The following METTL6 variants were observed in gnomAD, a reference collection of about 807,000 sequenced individuals.
METTL6 encodes methyltransferase 6, tRNA N3-cytidine.
In METTL6, 22 loss-of-function variants were observed where a neutral mutation model predicts 26.4. That is an observed-to-expected ratio of 0.83 (90% CI 0.59 to 1.19). The LOEUF (loss-of-function observed/expected upper bound fraction) is 1.19, where lower values mean the gene tolerates loss of function less well. Among genes scored for constraint, METTL6 ranks in the 50% most tolerant of loss-of-function variants. The pLI is 0.00. For synonymous variants in METTL6, 109 were observed against 116.2 expected (o/e 0.94, Z 0.40); for missense variants, 304 against 324.8 (o/e 0.94, Z 0.49).
At chr3:15,386,235 G>A (rs1199804634) in intron 6 of METTL6, among the ~76,000 whole-genome samples, 1 of 152,108 alleles carries the variant, frequency 6.6e-6, no homozygotes, top group Non-Finnish European at 1.5e-5. Context: ...GGTGCTGGTG[G>A]GAGTGTCTTT....
intron 3 of METTL6, among the ~76,000 whole-genome samples, chr3:15,418,582 C>A (rs946878972): frequency 6.6e-6 from 1 of 152,092 alleles, no homozygotes; most frequent in African/African-American, 2.4e-5. Flanking sequence ...ACACACATAA[C>A]TGGAATCCCA....
downstream of METTL6, among the ~76,000 whole-genome samples, chr3:15,407,288 G>C (rs1313451898): frequency 6.6e-6 from 1 of 152,122 alleles, no homozygotes; most frequent in Non-Finnish European, 1.5e-5. Flanking sequence ...CCAAAGTGCT[G>C]GGATTACAAG....
chr3:15,396,100 G>T (rs1699480694), intron 6 of METTL6, among the ~76,000 whole-genome samples: 1 of 152,134 alleles, frequency 6.6e-6, no homozygotes, highest in African/African-American at 2.4e-5. Context: ...TTTCCAACTT[G>T]GTTCCATTCT....
chr3:15,405,995 ATG>A (rs914289550), downstream of METTL6, among the ~76,000 whole-genome samples: 9 of 151,996 alleles, frequency 5.9e-5, no homozygotes, highest in African/African-American at 2.2e-4. Context: ...TGTATGGAGT[ATG>A]TGTGTGTGTA....
exon 7 of METTL6, chr3:15,383,219 G>C (rs949255523): frequency 4.6e-5 from 7 of 152,036 alleles, no homozygotes; most frequent in Non-Finnish European, 8.8e-5. Context: ...AAAGACCTAA[G>C]GGATCCACCA....
At chr3:15,389,172 G>GT (rs1187636955) in intron 6 of METTL6, among the ~76,000 whole-genome samples, 2 of 150,234 alleles carry the variant, frequency 1.3e-5, no homozygotes, top group East Asian at 3.9e-4. Flanking sequence ...TTTTTTCTAA[G>GT]TTTTTTGTTG....
At chr3:15,388,706 T>G (rs1699262838) in intron 6 of METTL6, among the ~76,000 whole-genome samples, 1 of 152,228 alleles carries the variant, frequency 6.6e-6, no homozygotes, top group Admixed American at 6.5e-5. Context: ...CCATAATTTC[T>G]AATCTTGTGG....
At chr3:15,409,216 C>T (rs1365566913), downstream of METTL6, among the ~76,000 whole-genome samples, 1 of 152,178 alleles carries the variant, frequency 6.6e-6, no homozygotes, top group Non-Finnish European at 1.5e-5. Flanking sequence ...TGACTATTAT[C>T]CAACCCCTTC....
In METTL6 at chr3:15,410,473, G is replaced by A. The variant is rs1371276269; in HGVS notation, c.*783C>T. 6.6e-6 allele frequency among the ~76,000 whole-genome samples: 1 copy of A among 152,002 alleles called. No individual in the cohort carries two copies. The highest frequency in any genetic ancestry group is 2.4e-5 in the African/African-American group (1 of 41,386). ...CTACAGGCACATGCCACCACATTTGGCTAATTTTTGTATTTTCTGTAGAGA... is the reference window on the plus strand; with the variant it reads ...CTACAGGCACATGCCACCACATTTGACTAATTTTTGTATTTTCTGTAGAGA... On this transcript the variant is annotated 3_prime_UTR_variant, in exon 6 of 6. Transcript: ENST00000383790.
chr3:15,426,647 AAAG>A lies in METTL6; in HGVS notation c.-124-15_-124-13del, dbSNP rs1489154624. On this transcript the variant is annotated splice_polypyrimidine_tract_variant and intron_variant, in intron 1 of 5. Transcript: ENST00000383790. Reference sequence around the variant, plus strand: ...AACAGCACAGGGGGCTTCGCAGAGAAAAGAATTAGATTCTGGTTAGTGGTTACA... The same window carrying A: ...AACAGCACAGGGGGCTTCGCAGAGAAAATTAGATTCTGGTTAGTGGTTACA... The A allele has an allele frequency of 1.3e-6, 1 of 745,092 alleles. No homozygotes were observed. Among genetic ancestry groups the A allele is most frequent in the Non-Finnish European group, 2.2e-6 (1 of 457,962 alleles). 46.2% of individuals were successfully genotyped at this position (745,092 alleles called of 1,614,324 possible). A position where few individuals can be genotyped will look rare whatever the true frequency, so the allele number is the denominator to read the frequency against.
At chr3:15,420,596 T>A (rs2061589325) in intron 3 of METTL6, among the ~76,000 whole-genome samples, 1 of 152,220 alleles carries the variant, frequency 6.6e-6, no homozygotes, top group African/African-American at 2.4e-5. Context: ...GAGGCAAGAT[T>A]GACCACTGTA....
chr3:15,395,072 G>A (rs547283992), intron 6 of METTL6, among the ~76,000 whole-genome samples: 16 of 152,224 alleles, frequency 1.1e-4, no homozygotes, highest in African/African-American at 2.6e-4. Context: ...TTTCTGTCTC[G>A]TTGATCTGTC....
intron 6 of METTL6, among the ~76,000 whole-genome samples, chr3:15,393,273 TCA>T (rs1179297578): frequency 6.6e-6 from 1 of 152,214 alleles, no homozygotes; most frequent in Non-Finnish European, 1.5e-5. Flanking sequence ...GAATGGGAGT[TCA>T]CTCATGATTT....
In METTL6 at chr3:15,426,222, A is replaced by C. The variant is rs934302596; in HGVS notation, c.225+65T>G. The C allele has an allele frequency of 3.3e-6, 5 of 1,504,088 alleles. No individual in the cohort carries two copies. The Admixed American group carries it at 8.7e-5, about 26-fold the overall frequency. The allele number at this position is 1,504,088 out of a possible 1,614,324, so 93.2% of individuals were successfully genotyped here. A position where few individuals can be genotyped will look rare whatever the true frequency, so the allele number is the denominator to read the frequency against. On this transcript the variant is annotated intron_variant, in intron 2 of 5. Transcript: ENST00000383790. ...CCCAAGTACTGGGATTACAGGCATG[A>C]GCCATGGCACCCTCTTCACATTTTA...
chr3:15,385,101 T>G (rs982676322), intron 6 of METTL6, among the ~76,000 whole-genome samples: 4 of 152,142 alleles, frequency 2.6e-5, no homozygotes, highest in African/African-American at 7.2e-5. Context: ...TAGGAACAAT[T>G]GTTTAAAGGC....
In METTL6 at chr3:15,426,525, G is replaced by T; in HGVS notation, c.-14C>A. On this transcript the variant is annotated 5_prime_UTR_variant, in exon 2 of 6. Coordinates refer to ENST00000383790, the MANE Select transcript of METTL6 (RefSeq NM_152396.4). ...CAAAGAAGCCATCTCTGAAACTGAC[G>T]GTAACACTTAACACAGCTGAAGATT... The T allele has an allele frequency of 1.2e-6, 2 of 1,606,516 alleles. No homozygotes were observed. The highest frequency in any genetic ancestry group is 1.7e-6 in the Non-Finnish European group (2 of 1,174,786).
chr3:15,423,082 T>C (rs2061641997), intron 3 of METTL6, among the ~76,000 whole-genome samples: 1 of 152,100 alleles, frequency 6.6e-6, no homozygotes, highest in African/African-American at 2.4e-5. Context: ...GCAAGGGTAT[T>C]TTAGGTTAAG....
chr3:15,418,140 T>C (rs565775553), intron 3 of METTL6, among the ~76,000 whole-genome samples: 3 of 152,282 alleles, frequency 2.0e-5, no homozygotes, highest in Admixed American at 2.0e-4. Context: ...ATAATATGTC[T>C]AGCTTTAACC....
chr3:15,411,245 C>G lies in METTL6; in HGVS notation c.*11G>C. Reference sequence around the variant, plus strand: ...TTCAAGGGAAGGTATAAATGCCAACCTCATGAAAGGTCAGGACTTAGGATC... The same window carrying G: ...TTCAAGGGAAGGTATAAATGCCAACGTCATGAAAGGTCAGGACTTAGGATC... On this transcript the variant is annotated 3_prime_UTR_variant, in exon 6 of 6. Coordinates refer to ENST00000383790, the MANE Select transcript of METTL6 (RefSeq NM_152396.4). 3.7e-6 allele frequency: 6 copies of G among 1,604,000 alleles called. No individual in the cohort carries two copies. The highest frequency in any genetic ancestry group is 1.7e-4 in the Middle Eastern group (1 of 5,968).
Sources: allele counts gnomAD v4.1 joint callset (sites outside exome capture counted in the v4.1 genomes callset), GRCh38; gene constraint gnomAD v4.1.1; transcripts MANE v1.5; gene names NCBI Gene and HGNC (gene_info 2026-07-23, HGNC 2026-07-21).